GSK3B: variants seen among roughly 807,000 people sequenced by gnomAD.
GSK3B encodes the protein glycogen synthase kinase 3 beta, also known as glycogen synthase kinase-3 beta.
A neutral mutation model predicts 56.4 loss-of-function variants in GSK3B; 15 were observed. That is an observed-to-expected ratio of 0.27 (90% CI 0.18 to 0.41). GSK3B has a LOEUF of 0.41. Ranked by LOEUF, GSK3B falls within the 10% of genes least tolerant of loss-of-function variation. The pLI is 1.00. For synonymous variants in GSK3B, 181 were observed against 188.9 expected (o/e 0.96, Z 0.34); for missense variants, 300 against 513.4 (o/e 0.58, Z 4.02).
intron 10 of GSK3B, among the ~76,000 whole-genome samples, chr3:119,839,330 A>G (rs1439911168): frequency 6.6e-6 from 1 of 152,224 alleles, no homozygotes; most frequent in Non-Finnish European, 1.5e-5. Context: ...TATAGTCAGT[A>G]TGATAATGGT....
At chr3:119,988,913 C>T (rs1324774286) in intron 2 of GSK3B, among the ~76,000 whole-genome samples, 1 of 152,126 alleles carries the variant, frequency 6.6e-6, no homozygotes, top group African/African-American at 2.4e-5. Flanking sequence ...AAATGGGAAA[C>T]TGGAAAAAGA....
intron 2 of GSK3B, among the ~76,000 whole-genome samples, chr3:120,001,383 A>G (rs1026016481): frequency 3.3e-5 from 5 of 151,886 alleles, no homozygotes; most frequent in African/African-American, 4.8e-5. Context: ...TAGTAATAAC[A>G]ATAATAATAA....
At chr3:120,086,584 C>T (rs1367449026) in intron 1 of GSK3B, among the ~76,000 whole-genome samples, 5 of 151,916 alleles carry the variant, frequency 3.3e-5, no homozygotes, top group Non-Finnish European at 7.4e-5. Flanking sequence ...TGCTTGATTC[C>T]AGGAGTTCAA....
chr3:119,944,125 A>C (rs2057076265), intron 3 of GSK3B, among the ~76,000 whole-genome samples: 1 of 152,182 alleles, frequency 6.6e-6, no homozygotes. Context: ...TAATCTCTCT[A>C]ATCCTGAAAC....
At chr3:120,027,380 A>G (rs76676032) in intron 1 of GSK3B, among the ~76,000 whole-genome samples, 7 of 139,190 alleles carry the variant, frequency 5.0e-5, no homozygotes, top group South Asian at 2.3e-4. Context: ...CTGTCTCAGG[A>G]AAAAAAAAAA....
At position 120,093,331 on chromosome 3, in the gene GSK3B, T is replaced by C. The variant is rs771107522; in HGVS notation, c.88+16A>G. The C allele has an allele frequency of 5.8e-6, 9 of 1,558,654 alleles. No individual in the cohort carries two copies. In the East Asian group the frequency reaches 2.0e-4, roughly 35 times the overall value. ...GGCGAGGTGGAAAAGGGGTGTAAAA[T>C]AAAACCAATACTCACTGCTAACTTT... On this transcript the variant is annotated intron_variant, in intron 1 of 10. Coordinates refer to ENST00000264235, the MANE Select transcript of GSK3B (RefSeq NM_001146156.2).
At chr3:119,917,397 T>A (rs1458502606) in intron 4 of GSK3B, among the ~76,000 whole-genome samples, 2 of 152,166 alleles carry the variant, frequency 1.3e-5, no homozygotes, top group African/African-American at 4.8e-5. Context: ...AAGGTCAGCA[T>A]TTTGCCAACA....
At chr3:119,845,839 AGAGC>A (rs1448367678) in intron 9 of GSK3B, among the ~76,000 whole-genome samples, 1 of 152,238 alleles carries the variant, frequency 6.6e-6, no homozygotes, top group East Asian at 1.9e-4. Flanking sequence ...GAACCAAAAA[AGAGC>A]CCGTATAGCC....
intron 9 of GSK3B, among the ~76,000 whole-genome samples, chr3:119,844,971 G>A (rs1374833675): frequency 2.6e-5 from 4 of 152,160 alleles, no homozygotes; most frequent in African/African-American, 9.7e-5. Flanking sequence ...CCATGATCAA[G>A]TCGGCTTCAT....
chr3:119,968,400 T>C (rs2057338397), intron 2 of GSK3B, among the ~76,000 whole-genome samples: 1 of 152,162 alleles, frequency 6.6e-6, no homozygotes, highest in South Asian at 2.1e-4. Context: ...TTCAAAAATT[T>C]GCAACAAAAC....
chr3:119,911,104 T>G (rs1252058221), intron 6 of GSK3B, among the ~76,000 whole-genome samples: 1 of 152,202 alleles, frequency 6.6e-6, no homozygotes, highest in Non-Finnish European at 1.5e-5. Flanking sequence ...TAGTGACACC[T>G]AGAATGGTGA....
chr3:120,033,783 C>T (rs1297794886), intron 1 of GSK3B, among the ~76,000 whole-genome samples: 1 of 152,094 alleles, frequency 6.6e-6, no homozygotes, highest in Non-Finnish European at 1.5e-5. Flanking sequence ...TTTGCTTGCT[C>T]GCTCGCTCTC....
intron 1 of GSK3B, among the ~76,000 whole-genome samples, chr3:120,028,528 C>A (rs150574921): frequency 9.8e-4 from 150 of 152,316 alleles, no homozygotes; most frequent in African/African-American, 3.4e-3. Context: ...AACTCTCATG[C>A]CCCTACTACT....
At chr3:119,857,196 T>C (rs968213439) in intron 9 of GSK3B, among the ~76,000 whole-genome samples, 22 of 152,192 alleles carry the variant, frequency 1.4e-4, no homozygotes, top group Non-Finnish European at 5.9e-5. Flanking sequence ...TGCTGAAGGT[T>C]AGGGTGGCTA....
At chr3:120,029,515 G>A in intron 1 of GSK3B, 1 of 633,478 alleles carries the variant, frequency 1.6e-6, no homozygotes, top group Non-Finnish European at 3.0e-6. Flanking sequence ...AGTTATGTGT[G>A]TAAAGTTGCC....
chr3:119,848,792 T>TA (rs762154936), intron 9 of GSK3B, among the ~76,000 whole-genome samples: 17 of 152,308 alleles, frequency 1.1e-4, no homozygotes, highest in Non-Finnish European at 1.9e-4. Context: ...TAAGATTTAT[T>TA]AAAAATGAAT....
At chr3:120,084,188 T>C (rs1305368336) in intron 1 of GSK3B, among the ~76,000 whole-genome samples, 2 of 152,220 alleles carry the variant, frequency 1.3e-5, no homozygotes, top group Non-Finnish European at 2.9e-5. Context: ...CATAGAATAC[T>C]GTTCCATGTC....
At chr3:119,926,074 T>C (rs184527417) in intron 3 of GSK3B, among the ~76,000 whole-genome samples, 1 of 152,270 alleles carries the variant, frequency 6.6e-6, no homozygotes, top group Non-Finnish European at 1.5e-5. Context: ...CTCCTTGATC[T>C]CTTAAAAATT....
At chr3:120,090,230 T>TAA (rs55859010) in intron 1 of GSK3B, among the ~76,000 whole-genome samples, 1 of 146,202 alleles carries the variant, frequency 6.8e-6, no homozygotes. Context: ...AAGCTGTATA[T>TAA]AAAAAAAAAA....
Sources: allele counts gnomAD v4.1 joint callset (sites outside exome capture counted in the v4.1 genomes callset), GRCh38; gene constraint gnomAD v4.1.1; transcripts MANE v1.5; gene names NCBI Gene and HGNC (gene_info 2026-07-23, HGNC 2026-07-21).